Variants in DPF3 observed in about 807,000 individuals in gnomAD.
DPF3 encodes the protein double PHD fingers 3.
DPF3 carries 18 observed loss-of-function variants against 56.8 expected under a neutral mutation model. That is an observed-to-expected ratio of 0.32 (90% CI 0.22 to 0.47). DPF3 has a LOEUF of 0.47. DPF3 is among the 20% of genes least tolerant of loss of function. DPF3 has a pLI of 1.00. For synonymous variants in DPF3, 188 were observed against 180.2 expected (o/e 1.04, Z -0.35); for missense variants, 403 against 488.8 (o/e 0.82, Z 1.65).
At chr14:72,852,561 G>A (rs1171056783) in intron 1 of DPF3, among the ~76,000 whole-genome samples, 5 of 152,112 alleles carry the variant, frequency 3.3e-5, no homozygotes, top group African/African-American at 2.4e-5. Flanking sequence ...AACTTTCTAC[G>A]GCTCACACTC....
intron 6 of DPF3, among the ~76,000 whole-genome samples, chr14:72,713,940 A>G (rs985056403): frequency 6.6e-6 from 1 of 152,266 alleles, no homozygotes; most frequent in Non-Finnish European, 1.5e-5. Flanking sequence ...TCATCGTCAT[A>G]GAAAGATTCA....
intron 1 of DPF3, among the ~76,000 whole-genome samples, chr14:72,893,438 T>A (rs1461574891): frequency 2.0e-5 from 3 of 151,050 alleles, no homozygotes; most frequent in Admixed American, 6.6e-5. Flanking sequence ...GGCGACCACC[T>A]GGGCCCCAGC....
chr14:72,708,260 T>C (rs1888498527), intron 6 of DPF3, among the ~76,000 whole-genome samples: 1 of 152,222 alleles, frequency 6.6e-6, no homozygotes, highest in African/African-American at 2.4e-5. Context: ...TGGCCAGTCC[T>C]GCCGGAACAC....
At chr14:72,756,264 A>G (rs988561019) in intron 2 of DPF3, among the ~76,000 whole-genome samples, 7 of 152,222 alleles carry the variant, frequency 4.6e-5, no homozygotes, top group Non-Finnish European at 7.3e-5. Flanking sequence ...ATTCCTGCCC[A>G]TGTGTAAGCA....
chr14:72,874,372 G>A (rs540501780), intron 1 of DPF3, among the ~76,000 whole-genome samples: 16 of 151,672 alleles, frequency 1.1e-4, no homozygotes, highest in African/African-American at 1.7e-4. Context: ...CCAGCTACTC[G>A]AAAGGCTAAG....
intron 6 of DPF3, among the ~76,000 whole-genome samples, chr14:72,708,588 CA>C (rs1412343035): frequency 6.6e-6 from 1 of 152,140 alleles, no homozygotes; most frequent in Non-Finnish European, 1.5e-5. Flanking sequence ...TTAATGCCCT[CA>C]AAAAAATTTT....
At chr14:72,677,435 C>G (rs1886960752) in intron 7 of DPF3, among the ~76,000 whole-genome samples, 1 of 152,188 alleles carries the variant, frequency 6.6e-6, no homozygotes, top group Non-Finnish European at 1.5e-5. Flanking sequence ...CAAACTTCAG[C>G]TAAAACATAT....
chr14:72,691,858 G>A (rs1479604591), intron 7 of DPF3, among the ~76,000 whole-genome samples: 1 of 152,176 alleles, frequency 6.6e-6, no homozygotes, highest in East Asian at 1.9e-4. Context: ...AACCAACCCT[G>A]CCAGCACCGT....
At chr14:72,721,305 A>C (rs753889179) in intron 5 of DPF3, among the ~76,000 whole-genome samples, 32 of 152,204 alleles carry the variant, frequency 2.1e-4, no homozygotes, top group Admixed American at 7.2e-4. Flanking sequence ...ACTGACTGCA[A>C]GCTCAATCTT....
At chr14:72,838,908 C>CTTTTTTT (rs376458640) in intron 1 of DPF3, among the ~76,000 whole-genome samples, 6 of 78,580 alleles carry the variant, frequency 7.6e-5, no homozygotes, top group African/African-American at 4.2e-4. Context: ...CATATATATT[C>CTTTTTTT]TTTTTTTTTT....
intron 1 of DPF3, among the ~76,000 whole-genome samples, chr14:72,846,091 T>C (rs1884741547): frequency 7.6e-6 from 1 of 130,962 alleles, no homozygotes; most frequent in South Asian, 2.4e-4. Context: ...TATTTTATTT[T>C]ATTTTATTTT....
chr14:72,850,463 A>C (rs973592219), intron 1 of DPF3, among the ~76,000 whole-genome samples: 13 of 152,188 alleles, frequency 8.5e-5, no homozygotes, highest in African/African-American at 2.7e-4. Flanking sequence ...TTAGTCCCCC[A>C]GATCTCCAAG....
intron 5 of DPF3, 85 bp from the exon 6 acceptor site, chr14:72,714,586 C>T (rs1567209263): frequency 6.6e-5 from 98 of 1,479,278 alleles, no homozygotes; most frequent in Non-Finnish European, 8.0e-5. Context: ...CTCCTTACAC[C>T]GTCTTCATCC....
At position 72,616,189 on chromosome 14, in the gene DPF3, A is replaced by G. The variant is rs557518638; in HGVS notation, c.*3108T>C. On this transcript the variant is annotated 3_prime_UTR_variant, in exon 11 of 11. Coordinates refer to ENST00000556509, the MANE Select transcript of DPF3 (RefSeq NM_001280542.3). ...TACAGACATGTGAAATGAGGCTCAGAGAGTTGAAGTCATTGGCCCAAGGTC... is the reference window on the plus strand; with the variant it reads ...TACAGACATGTGAAATGAGGCTCAGGGAGTTGAAGTCATTGGCCCAAGGTC... Among the ~76,000 whole-genome samples, 5 of 152,286 alleles carry G rather than the reference A, an allele frequency of 3.3e-5. No individual in the cohort carries two copies. The highest frequency in any genetic ancestry group is 3.9e-4 in the East Asian group (2 of 5,188).
intron 7 of DPF3, among the ~76,000 whole-genome samples, chr14:72,692,796 G>T (rs1887746203): frequency 6.6e-6 from 1 of 152,184 alleles, no homozygotes; most frequent in Non-Finnish European, 1.5e-5. Context: ...TCTGACAGTG[G>T]CCAGGTAAGG....
At chr14:72,765,944 T>C (rs1424676580) in intron 2 of DPF3, among the ~76,000 whole-genome samples, 1 of 152,090 alleles carries the variant, frequency 6.6e-6, no homozygotes, top group African/African-American at 2.4e-5. Flanking sequence ...ATACAGTGTG[T>C]GTTTCTGGTA....
rs929976296 is a variant in DPF3 at position 72,629,857 on chromosome 14, G to GA, written c.872-122dup. On this transcript the variant is annotated intron_variant, in intron 8 of 10. Coordinates refer to ENST00000556509, the MANE Select transcript of DPF3 (RefSeq NM_001280542.3). ...GCAGGGCAGGGTAGCATGACGTAGG[G>GA]AAAAAAATGGGGACCCAAACAGGGC... 9 of 789,208 alleles carry GA rather than the reference G, an allele frequency of 1.1e-5. No individual in the cohort carries two copies. The South Asian group carries it at 1.2e-4, about 10-fold the overall frequency. 48.9% of individuals were successfully genotyped at this position (789,208 alleles called of 1,614,324 possible).
chr14:72,773,286 C>G (rs925034129), intron 1 of DPF3, among the ~76,000 whole-genome samples: 1 of 151,982 alleles, frequency 6.6e-6, no homozygotes, highest in African/African-American at 2.4e-5. Flanking sequence ...GTACCTGCCA[C>G]CATGCCCGGC....
intron 1 of DPF3, among the ~76,000 whole-genome samples, chr14:72,785,489 C>T (rs1272792056): frequency 6.6e-6 from 1 of 152,180 alleles, no homozygotes; most frequent in African/African-American, 2.4e-5. Context: ...CAGCCTCTTA[C>T]AAGGGCGCCA....
Sources: allele counts gnomAD v4.1 joint callset (sites outside exome capture counted in the v4.1 genomes callset), GRCh38; gene constraint gnomAD v4.1.1; transcripts MANE v1.5; gene names NCBI Gene and HGNC (gene_info 2026-07-23, HGNC 2026-07-21).